LMF1: variants seen among roughly 807,000 people sequenced by gnomAD.
LMF1 encodes the protein lipase maturation factor 1.
Under a neutral mutation model 60.6 loss-of-function variants are expected in LMF1, and 68 were observed. The ratio of observed to expected loss-of-function variants is 1.12; its 90% CI spans 0.92 to 1.37. The LOEUF is 1.37. Ranked by LOEUF, LMF1 falls within the 40% of genes most tolerant of loss-of-function variation. LMF1 has a pLI of 0.00. For missense variants in LMF1, 948 were observed against 767.2 expected (o/e 1.24, Z -2.78); for synonymous variants, 418 against 324.7 (o/e 1.29, Z -3.09).
intron 1 of LMF1, among the ~76,000 whole-genome samples, chr16:955,891 A>G (rs776666817): frequency 1.3e-5 from 2 of 152,118 alleles, no homozygotes; most frequent in Non-Finnish European, 2.9e-5. Context: ...GGTGAGCCAC[A>G]CTTGCCCTCT....
chr16:929,786 C>T (rs551374572), intron 3 of LMF1, among the ~76,000 whole-genome samples: 4 of 152,382 alleles, frequency 2.6e-5, no homozygotes, highest in African/African-American at 7.2e-5. Context: ...GGTTTTCCTG[C>T]GTCCTGGAAA....
Position 970,882 on chromosome 16 carries a change from C to G in LMF1, c.99G>C (p.Pro33=). 6.4e-7 allele frequency: 1 copy of G among 1,571,258 alleles called. No homozygotes were observed. The highest frequency in any genetic ancestry group is 8.6e-7 in the Non-Finnish European group (1 of 1,160,938). Residue 33 remains proline, a synonymous_variant, in exon 1 of 11, where the codon CCG becomes CCC. Coordinates refer to ENST00000262301, the MANE Select transcript of LMF1 (RefSeq NM_022773.4). ...CCGGAGAGCCTGCGGGGCCACGCCC[C>G]GGCGCGGGCGGCGACTCAGGCTCCG... ...SDPEPESPPA[P]GRGPAGSPAH...
chr16:877,801 G>A (rs919345410), intron 6 of LMF1, among the ~76,000 whole-genome samples: 1 of 152,152 alleles, frequency 6.6e-6, no homozygotes, highest in African/African-American at 2.4e-5. Flanking sequence ...CACAGGACGC[G>A]TCTCTGAGGG....
upstream of LMF1, among the ~76,000 whole-genome samples, chr16:972,009 G>A (rs1005291346): frequency 6.6e-6 from 1 of 151,892 alleles, no homozygotes; most frequent in African/African-American, 2.4e-5. Flanking sequence ...ATCAATTATC[G>A]CCACTGGGTT....
In LMF1 at chr16:878,877, G is replaced by A. The variant is rs981029218; in HGVS notation, c.897+693C>T. On this transcript the variant is annotated intron_variant, in intron 6 of 10. Transcript: ENST00000262301. The surrounding 1 kb of genome is among the most constrained non-coding windows in gnomAD (Gnocchi z 5.2). ...ATGTTACACCTCCATTGAAACAATCGAGAGAGAGAACCACCTTTAAAATCC... is the reference window on the plus strand; with the variant it reads ...ATGTTACACCTCCATTGAAACAATCAAGAGAGAGAACCACCTTTAAAATCC... Among the ~76,000 whole-genome samples, 4 of 152,168 alleles carry A rather than the reference G, an allele frequency of 2.6e-5. No homozygotes were observed. Among genetic ancestry groups the A allele is most frequent in the Non-Finnish European group, 5.9e-5 (4 of 68,034 alleles).
intron 10 of LMF1, among the ~76,000 whole-genome samples, chr16:858,722 C>T (rs867780370): frequency 8.9e-4 from 45 of 50,406 alleles, no homozygotes; most frequent in Admixed American, 4.7e-3. Flanking sequence ...TGTCTCGGGA[C>T]GGGTGTGAGT....
At chr16:967,648 T>C (rs1012655933) in intron 1 of LMF1, among the ~76,000 whole-genome samples, 1 of 152,194 alleles carries the variant, frequency 6.6e-6, no homozygotes, top group Non-Finnish European at 1.5e-5. Context: ...TCAGTGTCAG[T>C]GTCAGGCATC....
In LMF1 at chr16:878,773, A is replaced by G. The variant is rs2151712677; in HGVS notation, c.897+797T>C. On this transcript the variant is annotated intron_variant, in intron 6 of 10. Transcript: ENST00000262301. This position sits in a 1 kb window ranked among gnomAD's most constrained non-coding sequence, Gnocchi z 5.2. ...GGGCAGGGGCGGGCAGGGCAGGGGA[A>G]GGGGCGTGGGACACCCAGGTACATC... 7.0e-6 allele frequency among the ~76,000 whole-genome samples: 1 copy of G among 142,464 alleles called. No homozygotes were observed. The highest frequency in any genetic ancestry group is 2.3e-4 in the East Asian group (1 of 4,430). 93.5% of individuals were successfully genotyped at this position (142,464 alleles called of 152,430 possible). A position where few individuals can be genotyped will look rare whatever the true frequency, so the allele number is the denominator to read the frequency against.
chr16:865,601 T>C (rs918809097), intron 10 of LMF1, among the ~76,000 whole-genome samples: 2 of 152,234 alleles, frequency 1.3e-5, no homozygotes, highest in Admixed American at 6.5e-5. Flanking sequence ...AATTTGACTT[T>C]GATGTGTTTA....
chr16:894,961 C>T (rs969897621), intron 4 of LMF1, among the ~76,000 whole-genome samples: 1 of 152,204 alleles, frequency 6.6e-6, no homozygotes, highest in African/African-American at 2.4e-5. Context: ...CAGGGAGCCC[C>T]GGGGCGGGGT....
At position 870,763 on chromosome 16, in the gene LMF1, G is replaced by C; in HGVS notation, c.1198C>G (p.Leu400Val). The stretch of plus-strand genomic sequence containing the variant: ...GCCCCGTAAGTGTTGACGATGTGAA[G>C]AGAGTTGAAGTGGGTGTTCATGACC... ...RQVMNTHFNS[L>V]HIVNTYGAFG... The change falls in exon 8 of 11, where the codon CTT becomes GTT. Residue 400 changes from leucine to valine, a missense_variant. Coordinates refer to ENST00000262301, the MANE Select transcript of LMF1 (RefSeq NM_022773.4). The C allele has an allele frequency of 6.2e-7, 1 of 1,613,090 alleles. No individual in the cohort carries two copies. Among genetic ancestry groups the C allele is most frequent in the Non-Finnish European group, 8.5e-7 (1 of 1,179,820 alleles).
At chr16:854,882 C>A (rs1340961850) in intron 10 of LMF1, 176 bp from the exon 11 acceptor site, 2 of 658,526 alleles carry the variant, frequency 3.0e-6, no homozygotes, top group Non-Finnish European at 5.4e-6. Flanking sequence ...GGCAGGGCAA[C>A]TGTTCCAGTC....
intron 4 of LMF1, among the ~76,000 whole-genome samples, chr16:896,845 T>C (rs573706404): frequency 6.6e-6 from 1 of 152,344 alleles, no homozygotes; most frequent in Admixed American, 6.5e-5. Flanking sequence ...TCTGAAAAAT[T>C]CTTTCAGGAG....
chr16:859,408 G>T lies in LMF1; in HGVS notation c.1530-4702C>A, dbSNP rs796744518. 1.7e-3 allele frequency among the ~76,000 whole-genome samples: 20 copies of T among 11,854 alleles called. 2 individuals are homozygous for T. Among genetic ancestry groups the T allele is most frequent in the Non-Finnish European group, 2.2e-3 (15 of 6,754 alleles). 7.8% of individuals were successfully genotyped at this position (11,854 alleles called of 152,430 possible). Reference sequence around the variant, plus strand: ...GGTGTGCAGTGGTGTCTCGGGAGGGGTGTGCAGTGGTGTCTCGGGACGGGT... The same window carrying T: ...GGTGTGCAGTGGTGTCTCGGGAGGGTTGTGCAGTGGTGTCTCGGGACGGGT... On this transcript the variant is annotated intron_variant, in intron 10 of 10. Coordinates refer to ENST00000262301, the MANE Select transcript of LMF1 (RefSeq NM_022773.4).
At chr16:865,623 CT>C (rs2069590750) in intron 10 of LMF1, among the ~76,000 whole-genome samples, 1 of 152,196 alleles carries the variant, frequency 6.6e-6, no homozygotes. Context: ...GTTTGAATTT[CT>C]TTGGGTTTTT....
chr16:910,380 T>C (rs1479910567), intron 4 of LMF1, among the ~76,000 whole-genome samples: 1 of 151,872 alleles, frequency 6.6e-6, no homozygotes, highest in Non-Finnish European at 1.5e-5. Flanking sequence ...ACCTGGACAG[T>C]CTGGTCGTCC....
rs1237709439 is a variant in LMF1, at chr16:954,569, G to A, written c.291C>T (p.Tyr97=). ...CTTCCCAGCTCGTCCTGTCCTGGAA[G>A]TACTGCTGGAAGTTCTTCAGGAACA... ...CRVFLKNFQQ[Y]FQDRTSWEVF... Residue 97 remains tyrosine (Y), a synonymous_variant, in exon 2 of 11, where the codon TAC becomes TAT. Transcript: ENST00000262301. 2 of 1,613,160 alleles carry A rather than the reference G, an allele frequency of 1.2e-6. No homozygotes were observed. The highest frequency in any genetic ancestry group is 1.7e-5 in the Admixed American group (1 of 60,002).
chr16:855,416 T>G, intron 10 of LMF1: 2 of 345,528 alleles, frequency 5.8e-6, no homozygotes, highest in Non-Finnish European at 1.1e-5. Flanking sequence ...TGACCAGGCC[T>G]GGTTTAGGCC....
intron 6 of LMF1, 60 bp downstream of exon 6, chr16:879,508 GAA>G: frequency 6.3e-7 from 1 of 1,577,630 alleles, no homozygotes; most frequent in East Asian, 2.3e-5. Flanking sequence ...GGGGCAGCCA[GAA>G]ATAGGGCGAC....
Sources: gnomAD v4.1 joint callset for allele counts (sites outside exome capture counted in the v4.1 genomes callset) on GRCh38, gnomAD v4.1.1 for gene constraint, Gnocchi (gnomAD v3.1) non-coding constraint, MANE v1.5 for transcripts, NCBI Gene and HGNC (gene_info 2026-07-23, HGNC 2026-07-21) for gene names.